The following CDH4 variants were observed in gnomAD, a reference collection of about 807,000 sequenced individuals.
CDH4 encodes the protein cadherin-4.
In CDH4, 33 loss-of-function variants were observed where a neutral mutation model predicts 86.0. That is an observed-to-expected ratio of 0.38 (90% confidence interval 0.29 to 0.51). The LOEUF (loss-of-function observed/expected upper bound fraction) is 0.51. CDH4 is among the 20% of genes least tolerant of loss of function. CDH4 has a pLI of 0.86. For synonymous variants in CDH4, 555 were observed against 549.4 expected, an observed-to-expected ratio of 1.01 and a Z score of -0.14; for missense variants, 1,114 against 1,307.4, an observed-to-expected ratio of 0.85 and a Z score of 2.28.
intron 2 of CDH4, chr20:61,740,701 A>G (rs2088322131): frequency 6.6e-6 from 1 of 152,288 alleles, no homozygotes; most frequent in Admixed American, 6.5e-5. Context: ...TCTACCAGTG[A>G]CAACTCCTGT....
At chr20:61,473,774 GACAC>G (rs968141429) in intron 2 of CDH4, among the ~76,000 whole-genome samples, 1 of 151,616 alleles carries the variant, frequency 6.6e-6, no homozygotes, top group African/African-American at 2.4e-5. Context: ...GACACACAAA[GACAC>G]ACACACACTC....
At chr20:61,285,411 G>A (rs186991633) in intron 2 of CDH4, among the ~76,000 whole-genome samples, 11 of 152,306 alleles carry the variant, frequency 7.2e-5, no homozygotes, top group East Asian at 1.9e-4. Flanking sequence ...ATAGAGCAGG[G>A]GCAGGACGGG....
chr20:61,502,115 C>G (rs1034019203), intron 2 of CDH4, among the ~76,000 whole-genome samples: 1 of 152,030 alleles, frequency 6.6e-6, no homozygotes, highest in Non-Finnish European at 1.5e-5. Flanking sequence ...GATAGCTAAG[C>G]AGTGAGCCAG....
At chr20:61,595,731 G>T (rs771834991) in intron 2 of CDH4, among the ~76,000 whole-genome samples, 1 of 152,204 alleles carries the variant, frequency 6.6e-6, no homozygotes, top group African/African-American at 2.4e-5. Flanking sequence ...TCTAAGCAGC[G>T]TGGTGTGTTG....
At chr20:61,836,918 G>T (rs1314485299) in intron 4 of CDH4, among the ~76,000 whole-genome samples, 3 of 152,216 alleles carry the variant, frequency 2.0e-5, no homozygotes, top group Non-Finnish European at 4.4e-5. Flanking sequence ...AGGGGGTCTG[G>T]CACACTGGCC....
At chr20:61,815,860 T>A (rs1601017100) in intron 4 of CDH4, among the ~76,000 whole-genome samples, 1 of 152,242 alleles carries the variant, frequency 6.6e-6, no homozygotes, top group Non-Finnish European at 1.5e-5. Flanking sequence ...GAACCAGGAC[T>A]GTGTTTATCT....
intron 2 of CDH4, among the ~76,000 whole-genome samples, chr20:61,291,222 A>G (rs1251369653): frequency 1.3e-5 from 2 of 152,194 alleles, no homozygotes; most frequent in Non-Finnish European, 2.9e-5. Context: ...CCTCCAAAAG[A>G]TATGTGCACC....
intron 9 of CDH4, among the ~76,000 whole-genome samples, chr20:61,921,264 G>T (rs1287184548): frequency 1.3e-5 from 2 of 152,176 alleles, no homozygotes; most frequent in East Asian, 3.9e-4. Context: ...TGATTGCGTG[G>T]AAGCGTGGTG....
intron 2 of CDH4, among the ~76,000 whole-genome samples, chr20:61,332,715 G>C (rs2084589618): frequency 6.6e-6 from 1 of 152,218 alleles, no homozygotes; most frequent in Non-Finnish European, 1.5e-5. Context: ...GAGCATTTTT[G>C]TTTCTTCTCT....
chr20:61,807,369 C>T lies in CDH4; in HGVS notation c.576+34187C>T, dbSNP rs534206453. Among the ~76,000 whole-genome samples the T allele has an allele frequency of 1.2e-3, 188 of 152,308 alleles. No homozygotes were observed. Among genetic ancestry groups the T allele is most frequent in the Non-Finnish European group, 1.8e-3 (123 of 68,024 alleles). ...GGAGAGTGGGCGGTGGGAGAGGATT[C>T]CCTGAGCTGTAGAGTTTACCCTCAG... On this transcript the variant is annotated intron_variant, in intron 4 of 15. Transcript: ENST00000614565. This position sits in a 1 kb window ranked among gnomAD's most constrained non-coding sequence, Gnocchi z 4.5.
intron 2 of CDH4, among the ~76,000 whole-genome samples, chr20:61,597,164 GA>G (rs1257059902): frequency 6.6e-6 from 1 of 152,216 alleles, no homozygotes; most frequent in Non-Finnish European, 1.5e-5. Flanking sequence ...ATTCATAACA[GA>G]AGGAAACATT....
At position 61,483,581 on chromosome 20, in the gene CDH4, C is replaced by T. The variant is rs564028640; in HGVS notation, c.169+228644C>T. On this transcript the variant is annotated intron_variant, in intron 2 of 15. Transcript: ENST00000614565. Reference sequence around the variant, plus strand: ...CATACTGTGAGCTGAGGCCTGGATGCGCCCTTGCTTCGGGGTGGCCCTCTT... The same window carrying T: ...CATACTGTGAGCTGAGGCCTGGATGTGCCCTTGCTTCGGGGTGGCCCTCTT... 9.2e-5 allele frequency among the ~76,000 whole-genome samples: 14 copies of T among 152,288 alleles called. No homozygotes were observed. The East Asian group carries it at 1.5e-3, about 17-fold the overall frequency.
At chr20:61,896,580 G>C (rs1985132266) in intron 8 of CDH4, among the ~76,000 whole-genome samples, 1 of 152,238 alleles carries the variant, frequency 6.6e-6, no homozygotes, top group Admixed American at 6.5e-5. Flanking sequence ...AGGGCAACCA[G>C]GAGCCCGAGG....
At position 61,653,291 on chromosome 20, in the gene CDH4, T is replaced by G. The variant is rs560917402; in HGVS notation, c.170-90272T>G. On this transcript the variant is annotated intron_variant, in intron 2 of 15. Coordinates refer to ENST00000614565, the MANE Select transcript of CDH4 (RefSeq NM_001794.5). ...TCAACAGGATCCCAAGGCAGAAGAATTTTTCTTAGTACAGAACAAAATGAA... is the reference window on the plus strand; with the variant it reads ...TCAACAGGATCCCAAGGCAGAAGAAGTTTTCTTAGTACAGAACAAAATGAA... 2.4e-3 allele frequency among the ~76,000 whole-genome samples: 323 copies of G among 134,418 alleles called. 6 individuals are homozygous for G. Among genetic ancestry groups the G allele is most frequent in the African/African-American group, 8.0e-3 (305 of 38,022 alleles). The allele number at this position is 134,418 out of a possible 152,430, so 88.2% of individuals were successfully genotyped here.
At chr20:61,685,303 C>T (rs6061732) in intron 2 of CDH4, among the ~76,000 whole-genome samples, 23,917 of 152,112 alleles carry the variant, frequency 0.16, 2,232 homozygotes, top group East Asian at 0.36. Flanking sequence ...TTCAAAGCCG[C>T]CTCCACTCAA....
At chr20:61,320,251 G>T (rs777739147) in intron 2 of CDH4, among the ~76,000 whole-genome samples, 2 of 152,118 alleles carry the variant, frequency 1.3e-5, no homozygotes, top group Non-Finnish European at 2.9e-5. Flanking sequence ...TTCTCCCTGC[G>T]TTCCTTGTTT....
At chr20:61,737,404 C>T (rs1022983416) in intron 2 of CDH4, among the ~76,000 whole-genome samples, 21 of 152,134 alleles carry the variant, frequency 1.4e-4, no homozygotes, top group Admixed American at 3.9e-4. Flanking sequence ...TCCCCACAGG[C>T]TCAGAATCCC....
chr20:61,632,832 T>C (rs2086905037), intron 2 of CDH4, among the ~76,000 whole-genome samples: 2 of 102,764 alleles, frequency 1.9e-5, no homozygotes, highest in African/African-American at 8.2e-5. Flanking sequence ...CTTCCTCTCC[T>C]CCTCTCCCCA....
At chr20:61,882,266 A>C (rs1337668109) in intron 7 of CDH4, among the ~76,000 whole-genome samples, 1 of 152,262 alleles carries the variant, frequency 6.6e-6, no homozygotes, top group Non-Finnish European at 1.5e-5. Flanking sequence ...GCCACGCTCC[A>C]GGATGGCACC....
Sources: allele counts gnomAD v4.1 joint callset (sites outside exome capture counted in the v4.1 genomes callset), GRCh38; gene constraint gnomAD v4.1.1; non-coding constraint Gnocchi (gnomAD v3.1); transcripts MANE v1.5; gene names NCBI Gene and HGNC (gene_info 2026-07-23, HGNC 2026-07-21).